SLC30A9: variants seen among roughly 807,000 people sequenced by gnomAD.
The protein encoded by SLC30A9 is solute carrier family 30 member 9.
SLC30A9 carries 58 observed loss-of-function variants against 87.5 expected under a neutral mutation model. The ratio of observed to expected loss-of-function variants is 0.66; its 90% CI spans 0.54 to 0.82. The LOEUF (loss-of-function observed/expected upper bound fraction) is 0.82. Ranked by LOEUF, SLC30A9 falls within the 40% of genes least tolerant of loss-of-function variation. The pLI, the probability that SLC30A9 is intolerant of heterozygous loss-of-function variation, is 0.00. For missense variants in SLC30A9, 557 were observed against 679.1 expected (o/e 0.82, Z 2.00); for synonymous variants, 234 against 233.0 (o/e 1.00, Z -0.04).
chr4:42,023,286 A>ATG lies in SLC30A9; in HGVS notation c.528-10_528-9dup. On this transcript the variant is annotated splice_polypyrimidine_tract_variant and intron_variant, in intron 5 of 17. Coordinates refer to ENST00000264451, the MANE Select transcript of SLC30A9 (RefSeq NM_006345.4). Reference sequence around the variant, plus strand: ...ATTAAAATTGTTCATTGTGGTGACCATGTGTGTATGCACAGATCTTTGGAA... The same window carrying ATG: ...ATTAAAATTGTTCATTGTGGTGACCATGTGTGTGTATGCACAGATCTTTGGAA... The ATG allele has an allele frequency of 6.4e-7, 1 of 1,571,300 alleles. No homozygotes were observed.
intron 15 of SLC30A9, among the ~76,000 whole-genome samples, chr4:42,073,002 C>T (rs755025231): frequency 4.6e-5 from 7 of 151,874 alleles, no homozygotes; most frequent in South Asian, 4.2e-4. Flanking sequence ...TTAGTAGAGA[C>T]GAGGTTTCAC....
At chr4:42,041,460 G>C (rs1281534223) in intron 8 of SLC30A9, among the ~76,000 whole-genome samples, 3 of 152,118 alleles carry the variant, frequency 2.0e-5, no homozygotes, top group Non-Finnish European at 4.4e-5. Context: ...AGCAGGCCTG[G>C]TACAGGCACA....
intron 1 of SLC30A9, 147 bp from the exon 2 acceptor site, chr4:42,001,469 T>C (rs1289002651): frequency 2.1e-6 from 1 of 482,128 alleles, no homozygotes. Flanking sequence ...TAGAGAAAAT[T>C]AGAATGTTGT....
intron 3 of SLC30A9, among the ~76,000 whole-genome samples, chr4:42,018,985 C>CA (rs33970836): frequency 0.065 from 9,657 of 149,614 alleles, 642 homozygotes; most frequent in African/African-American, 0.17. Flanking sequence ...GAAACTCACG[C>CA]AAAAAAAAAA....
At chr4:42,049,819 G>T (rs1438866954) in intron 9 of SLC30A9, among the ~76,000 whole-genome samples, 1 of 152,092 alleles carries the variant, frequency 6.6e-6, no homozygotes, top group South Asian at 2.1e-4. Flanking sequence ...TGGTTAAAAT[G>T]CTTTCACATT....
At chr4:42,034,911 CCA>C (rs1284379412) in intron 6 of SLC30A9, among the ~76,000 whole-genome samples, 1 of 152,064 alleles carries the variant, frequency 6.6e-6, no homozygotes, top group African/African-American at 2.4e-5. Context: ...CAAAAAGGTT[CCA>C]GTTTTGACAC....
chr4:42,084,879 A>C (rs530693215), intron 17 of SLC30A9, among the ~76,000 whole-genome samples: 1 of 152,322 alleles, frequency 6.6e-6, no homozygotes, highest in South Asian at 2.1e-4. Flanking sequence ...ATATCACCTC[A>C]CTACCAAACG....
intron 3 of SLC30A9, among the ~76,000 whole-genome samples, chr4:42,019,395 A>AATTGGT (rs1340959459): frequency 6.6e-6 from 1 of 152,220 alleles, no homozygotes; most frequent in Non-Finnish European, 1.5e-5. Context: ...ATTGATGCCA[A>AATTGGT]ATTGGTATTG....
At chr4:41,991,322 C>G (rs1319589231) in intron 1 of SLC30A9, among the ~76,000 whole-genome samples, 1 of 152,232 alleles carries the variant, frequency 6.6e-6, no homozygotes, top group Non-Finnish European at 1.5e-5. Flanking sequence ...AACAAAGAAA[C>G]TCTTCAGTTC....
intron 6 of SLC30A9, among the ~76,000 whole-genome samples, chr4:42,033,817 C>T (rs1560545289): frequency 1.3e-5 from 2 of 152,160 alleles, no homozygotes; most frequent in Non-Finnish European, 1.5e-5. Flanking sequence ...CCTTGTGATC[C>T]ACCCGCCTTG....
At chr4:42,003,618 T>C (rs1715075232) in intron 2 of SLC30A9, among the ~76,000 whole-genome samples, 1 of 152,168 alleles carries the variant, frequency 6.6e-6, no homozygotes, top group South Asian at 2.1e-4. Context: ...TGATTTTAAC[T>C]TAATTTTGTC....
At chr4:42,073,934 GTAGT>G (rs1718418803) in intron 15 of SLC30A9, among the ~76,000 whole-genome samples, 1 of 152,174 alleles carries the variant, frequency 6.6e-6, no homozygotes, top group East Asian at 1.9e-4. Context: ...TTTTCTGTCT[GTAGT>G]TAGTTATATG....
At chr4:42,034,300 T>C (rs1347979426) in intron 6 of SLC30A9, among the ~76,000 whole-genome samples, 1 of 152,172 alleles carries the variant, frequency 6.6e-6, no homozygotes, top group Non-Finnish European at 1.5e-5. Flanking sequence ...ATTTACCATC[T>C]TAACCATTTT....
intron 17 of SLC30A9, among the ~76,000 whole-genome samples, chr4:42,081,141 T>C (rs1205084749): frequency 1.3e-5 from 2 of 152,224 alleles, no homozygotes; most frequent in East Asian, 1.9e-4. Context: ...AAATGTACTC[T>C]AGATTAAAAA....
chr4:42,062,705 G>A lies in SLC30A9; in HGVS notation c.897-281G>A, dbSNP rs189202881. ...AAGATTAATTTTACCAGGATCTGTG[G>A]TACATAATAGTAAAGTAGCTCTCTA... On this transcript the variant is annotated intron_variant, in intron 10 of 17. Transcript: ENST00000264451. Among the ~76,000 whole-genome samples the A allele has an allele frequency of 1.7e-4, 26 of 152,228 alleles. No homozygotes were observed. In the East Asian group the frequency reaches 4.8e-3, roughly 28 times the overall value.
At chr4:42,008,022 A>T (rs982110059) in intron 2 of SLC30A9, among the ~76,000 whole-genome samples, 1 of 152,018 alleles carries the variant, frequency 6.6e-6, no homozygotes, top group Non-Finnish European at 1.5e-5. Flanking sequence ...TACTATTCTG[A>T]CTCTCAAAGT....
intron 6 of SLC30A9, among the ~76,000 whole-genome samples, chr4:42,032,100 C>T (rs1437429236): frequency 6.6e-6 from 1 of 152,120 alleles, no homozygotes; most frequent in Non-Finnish European, 1.5e-5. Context: ...GGAGGTGCCT[C>T]ACACTTTTAA....
rs139800959 is a variant in SLC30A9 at position 42,057,723 on chromosome 4, T to C, written c.841-2468T>C. ...TGCAAATTTCTGCAGCTGGCTTGAATTTCTCCTCAGAAAATGGAATTTTCT... is the reference window on the plus strand; with the variant it reads ...TGCAAATTTCTGCAGCTGGCTTGAACTTCTCCTCAGAAAATGGAATTTTCT... On this transcript the variant is annotated intron_variant, in intron 9 of 17. Coordinates refer to ENST00000264451, the MANE Select transcript of SLC30A9 (RefSeq NM_006345.4). Among the ~76,000 whole-genome samples, 875 of 152,272 alleles carry C rather than the reference T, an allele frequency of 5.7e-3. 4 individuals carry two copies. The highest frequency in any genetic ancestry group is 0.02 in the African/African-American group (838 of 41,554).
chr4:42,029,834 T>A lies in SLC30A9; in HGVS notation c.611-5441T>A, dbSNP rs1716347730. On this transcript the variant is annotated intron_variant, in intron 6 of 17. Coordinates refer to ENST00000264451, the MANE Select transcript of SLC30A9 (RefSeq NM_006345.4). The stretch of plus-strand genomic sequence containing the variant: ...ACCCAGTGATGAAGTATAACGCATC[T>A]GTGTTTCCTGTTCAGTGCACTGGCT... 4 of 722,894 alleles carry A rather than the reference T, an allele frequency of 5.5e-6. No individual in the cohort carries two copies. In the Admixed American group the frequency reaches 7.1e-5, roughly 13 times the overall value. 44.8% of individuals were successfully genotyped at this position (722,894 alleles called of 1,614,324 possible).
Sources: gnomAD v4.1 joint callset for allele counts (sites outside exome capture counted in the v4.1 genomes callset) on GRCh38, gnomAD v4.1.1 for gene constraint, MANE v1.5 for transcripts, NCBI Gene and HGNC (gene_info 2026-07-23, HGNC 2026-07-21) for gene names.